Variants in ECE1 observed in about 807,000 individuals in gnomAD.
ECE1 encodes the protein endothelin converting enzyme 1.
In ECE1, 35 loss-of-function variants were observed where a neutral mutation model predicts 98.6. The observed-to-expected ratio is 0.35, with a 90% CI of 0.27 to 0.47. The LOEUF (loss-of-function observed/expected upper bound fraction) is 0.47. ECE1 is among the 20% of genes least tolerant of loss of function. The pLI is 1.00. For synonymous variants in ECE1, 394 were observed against 407.1 expected (o/e 0.97, Z 0.39); for missense variants, 814 against 1,025.3 (o/e 0.79, Z 2.81).
In ECE1 at chr1:21,258,899, T is replaced by C; in HGVS notation, c.616-60A>G. 1.2e-6 allele frequency: 2 copies of C among 1,603,304 alleles called. No individual in the cohort carries two copies. The highest frequency in any genetic ancestry group is 1.7e-6 in the Non-Finnish European group (2 of 1,174,002). ...GGTGGCGGGGAGACCCAGATGTGAATTCTGGTTCTGCCGCTGACTTGCTCT... is the reference window on the plus strand; with the variant it reads ...GGTGGCGGGGAGACCCAGATGTGAACTCTGGTTCTGCCGCTGACTTGCTCT... On this transcript the variant is annotated intron_variant, in intron 5 of 18. Transcript: ENST00000374893. This position sits in a 1 kb window ranked among gnomAD's most constrained non-coding sequence, Gnocchi z 4.2.
chr1:21,302,184 A>T (rs1308786086), intron 1 of ECE1, among the ~76,000 whole-genome samples: 3 of 152,228 alleles, frequency 2.0e-5, no homozygotes, highest in African/African-American at 7.2e-5. Context: ...GCAGCTTAAC[A>T]GGCTAAGTTC....
chr1:21,311,509 C>CAAAAAA lies in ECE1; in HGVS notation c.4-21359_4-21354dup, dbSNP rs397979522. 3.1e-3 allele frequency among the ~76,000 whole-genome samples: 229 copies of CAAAAAA among 74,272 alleles called. 9 individuals are homozygous for CAAAAAA. The highest frequency in any genetic ancestry group is 0.01 in the African/African-American group (192 of 18,288). 48.7% of individuals were successfully genotyped at this position (74,272 alleles called of 152,430 possible). A position where few individuals can be genotyped will look rare whatever the true frequency, so the allele number is the denominator to read the frequency against. The stretch of plus-strand genomic sequence containing the variant: ...GGAACATAGTGAGACCCTGTCTCCA[C>CAAAAAA]AAAAAAAAAAAAAAAAAAAAATTAG... On this transcript the variant is annotated intron_variant, in intron 1 of 18. Transcript: ENST00000415912.
chr1:21,308,126 T>C (rs1387789594), intron 1 of ECE1, among the ~76,000 whole-genome samples: 2 of 152,188 alleles, frequency 1.3e-5, no homozygotes, highest in African/African-American at 4.8e-5. Context: ...AGACCTCTGC[T>C]CATGCTGTTT....
chr1:21,335,929 AGGCCCTTCCCT>A (rs751970679), intron 1 of ECE1, among the ~76,000 whole-genome samples: 2 of 152,158 alleles, frequency 1.3e-5, no homozygotes, highest in African/African-American at 2.4e-5. Context: ...CCAGGGAGGG[AGGCCCTTCCCT>A]ACCCTGCAGA....
chr1:21,275,952 G>A (rs2098245972), intron 3 of ECE1, among the ~76,000 whole-genome samples: 1 of 151,612 alleles, frequency 6.6e-6, no homozygotes, highest in Non-Finnish European at 1.5e-5. Context: ...TTCAGGGCAG[G>A]CCAATATCCT....
intron 1 of ECE1, among the ~76,000 whole-genome samples, chr1:21,297,563 ACT>A (rs1409659247): frequency 7.7e-6 from 1 of 130,096 alleles, no homozygotes; most frequent in Non-Finnish European, 1.6e-5. Flanking sequence ...ACAGAATCTC[ACT>A]CTGTCACCCA....
Position 21,258,158 on chromosome 1 carries a change from CTG to C in ECE1, c.762+533_762+534del, listed in dbSNP as rs1386825218. Among the ~76,000 whole-genome samples the C allele has an allele frequency of 6.6e-6, 1 of 152,190 alleles. No homozygotes were observed. The highest frequency in any genetic ancestry group is 6.5e-5 in the Admixed American group (1 of 15,270). On this transcript the variant is annotated intron_variant, in intron 6 of 18. Transcript: ENST00000374893. The surrounding 1 kb of genome is among the most constrained non-coding windows in gnomAD (Gnocchi z 4.2). ...GCAATCCATTTGATTTATAAGGTAA[CTG>C]TAGCTCTGAGAGGTTGAGGCACTTG... is the stretch of plus-strand genomic sequence containing the variant.
intron 11 of ECE1, 53 bp from the exon 12 acceptor site, chr1:21,236,897 T>C: frequency 6.8e-7 from 1 of 1,477,552 alleles, no homozygotes. Flanking sequence ...CTCAGGTAAA[T>C]GCAACAGGCA....
chr1:21,246,197 T>A lies in ECE1; in HGVS notation c.1163+1024A>T, dbSNP rs28751278. ...TATTTTTTTGGTAGTTTTCAAAAAATTTTTTAAAAATTATAAGTATTGCTG... is the reference window on the plus strand; with the variant it reads ...TATTTTTTTGGTAGTTTTCAAAAAAATTTTTAAAAATTATAAGTATTGCTG... On this transcript the variant is annotated intron_variant, in intron 9 of 18. Transcript: ENST00000374893. Among the ~76,000 whole-genome samples, 633 of 152,166 alleles carry A rather than the reference T, an allele frequency of 4.2e-3. 2 individuals carry two copies. Among genetic ancestry groups the A allele is most frequent in the African/African-American group, 0.014 (595 of 41,532 alleles).
chr1:21,244,029 C>G (rs2098199999), intron 10 of ECE1, among the ~76,000 whole-genome samples: 1 of 152,182 alleles, frequency 6.6e-6, no homozygotes, highest in Admixed American at 6.5e-5. Flanking sequence ...CTGCCATTCT[C>G]TGCCAATCCT....
chr1:21,323,318 A>C (rs1009655393), intron 1 of ECE1, among the ~76,000 whole-genome samples: 1 of 152,164 alleles, frequency 6.6e-6, no homozygotes, highest in African/African-American at 2.4e-5. Context: ...ATCAAAATAC[A>C]CAATAGCCCT....
chr1:21,252,976 G>A (rs2098214594), intron 8 of ECE1, among the ~76,000 whole-genome samples: 1 of 152,210 alleles, frequency 6.6e-6, no homozygotes, highest in African/African-American at 2.4e-5. Flanking sequence ...ACCCTGTGTG[G>A]CAGGCCAGGA....
intron 1 of ECE1, chr1:21,298,895 AGCACAAACTGCAAAGCAG>A: frequency 2.2e-6 from 1 of 456,212 alleles, no homozygotes; most frequent in Non-Finnish European, 4.4e-6. Context: ...ATCTTCTCCA[AGCACAAACTGCAAAGCAG>A]ACCAGAAAGC....
intron 1 of ECE1, among the ~76,000 whole-genome samples, chr1:21,316,429 G>A (rs1024599455): frequency 6.6e-6 from 1 of 151,298 alleles, no homozygotes; most frequent in African/African-American, 2.4e-5. Context: ...CCACCACACT[G>A]AGCTAATTTT....
At chr1:21,279,544 A>G in intron 2 of ECE1, 1 of 1,450,328 alleles carries the variant, frequency 6.9e-7, no homozygotes, top group Non-Finnish European at 9.1e-7. Flanking sequence ...CAAACATCAG[A>G]GAGTCAAGCA....
At chr1:21,240,824 G>C (rs1300947374) in intron 10 of ECE1, among the ~76,000 whole-genome samples, 2 of 152,230 alleles carry the variant, frequency 1.3e-5, no homozygotes, top group African/African-American at 4.8e-5. Context: ...AGGCTGTGAG[G>C]GCTGAATCAC....
At chr1:21,328,909 C>T (rs1313526586) in intron 1 of ECE1, among the ~76,000 whole-genome samples, 6 of 152,048 alleles carry the variant, frequency 3.9e-5, no homozygotes, top group South Asian at 2.1e-4. Context: ...GGCAAGGTAC[C>T]GCCTCTCTGA....
chr1:21,328,443 C>T (rs983074281), intron 1 of ECE1, among the ~76,000 whole-genome samples: 1 of 152,206 alleles, frequency 6.6e-6, no homozygotes, highest in African/African-American at 2.4e-5. Flanking sequence ...TTTACCTATG[C>T]TGATATTTGG....
intron 1 of ECE1, among the ~76,000 whole-genome samples, chr1:21,305,192 C>T (rs1638570351): frequency 6.6e-6 from 1 of 152,184 alleles, no homozygotes; most frequent in Non-Finnish European, 1.5e-5. Flanking sequence ...TAGACACAGG[C>T]CGTTTCTATC....
Sources: gnomAD v4.1 joint callset for allele counts (sites outside exome capture counted in the v4.1 genomes callset) on GRCh38, gnomAD v4.1.1 for gene constraint, Gnocchi (gnomAD v3.1) non-coding constraint, MANE v1.5 for transcripts, NCBI Gene and HGNC (gene_info 2026-07-23, HGNC 2026-07-21) for gene names.